The following IRAG2 variants were observed in gnomAD, a reference collection of about 807,000 sequenced individuals.
IRAG2 encodes inositol 1,4,5-triphosphate receptor associated 2, also known as lymphoid restricted membrane protein.
A neutral mutation model predicts 69.9 loss-of-function variants in IRAG2; 45 were observed. That is an observed-to-expected ratio of 0.64 (90% CI 0.51 to 0.83). The LOEUF (loss-of-function observed/expected upper bound fraction) is 0.83. Ranked by LOEUF, IRAG2 falls within the 40% of genes least tolerant of loss-of-function variation. IRAG2 has a pLI of 0.00. For missense variants in IRAG2, 520 were observed against 587.0 expected (o/e 0.89, Z 1.18); for synonymous variants, 193 against 202.4 (o/e 0.95, Z 0.40).
At chr12:25,000,609 CAG>C (rs941427678), upstream of IRAG2, among the ~76,000 whole-genome samples, 2 of 152,232 alleles carry the variant, frequency 1.3e-5, no homozygotes, top group Non-Finnish European at 2.9e-5. Flanking sequence ...GCCTGGGTAA[CAG>C]AGACCCAGTC....
chr12:24,998,779 A>G, the IRAG2 span, among the ~76,000 whole-genome samples: 1 of 152,178 alleles, frequency 6.6e-6, no homozygotes, highest in Non-Finnish European at 1.5e-5. Context: ...TGGCTTTCCT[A>G]ATCAAGTTTT....
intron 6 of IRAG2, among the ~76,000 whole-genome samples, chr12:25,018,020 AC>A (rs1944545544): frequency 6.6e-6 from 1 of 151,994 alleles, no homozygotes; most frequent in Non-Finnish European, 1.5e-5. Flanking sequence ...GTGTATTTCT[AC>A]CTCATTTCTT....
At chr12:25,023,886 G>T in exon 8 of IRAG2, 13 of 1,227,892 alleles carry the variant, frequency 1.1e-5, no homozygotes, top group Non-Finnish European at 1.1e-5. Flanking sequence ...AGAAAACCGG[G>T]CTCTGATTCT....
At chr12:25,068,572 C>T (rs1565553572) in intron 5 of IRAG2, among the ~76,000 whole-genome samples, 1 of 152,160 alleles carries the variant, frequency 6.6e-6, no homozygotes, top group African/African-American at 2.4e-5. Context: ...GCTCAAACCA[C>T]AGATTGGTTC....
intron 7 of IRAG2, among the ~76,000 whole-genome samples, chr12:25,022,289 T>C (rs1591927991): frequency 6.6e-6 from 1 of 151,632 alleles, no homozygotes; most frequent in South Asian, 2.1e-4. Context: ...AGGTCAGGAG[T>C]TCAAGACAAG....
At chr12:25,051,782 G>A (rs1452670250), upstream of IRAG2, among the ~76,000 whole-genome samples, 1 of 152,212 alleles carries the variant, frequency 6.6e-6, no homozygotes, top group African/African-American at 2.4e-5. Context: ...AAAGGCTAAG[G>A]TCATGAAACA....
chr12:25,040,092 T>C (rs1018739873), intron 16 of IRAG2, among the ~76,000 whole-genome samples: 4 of 152,226 alleles, frequency 2.6e-5, no homozygotes, highest in Non-Finnish European at 4.4e-5. Flanking sequence ...GAACCTGGCA[T>C]TGGGCAAAAT....
chr12:25,101,960 C>T (rs1353184692), intron 16 of IRAG2: 1 of 667,510 alleles, frequency 1.5e-6, no homozygotes, highest in African/African-American at 1.8e-5. Flanking sequence ...TAGTGCCTAC[C>T]CTGTGCTAGC....
chr12:25,040,196 G>C (rs1255683848), intron 16 of IRAG2, among the ~76,000 whole-genome samples: 1 of 152,236 alleles, frequency 6.6e-6, no homozygotes, highest in Non-Finnish European at 1.5e-5. Context: ...AAAATAATTT[G>C]ACTGTGGATT....
intron 10 of IRAG2, among the ~76,000 whole-genome samples, chr12:25,084,632 C>T (rs974805168): frequency 1.3e-5 from 2 of 151,666 alleles, no homozygotes; most frequent in African/African-American, 2.4e-5. Context: ...TTGCAAGAAA[C>T]AGAGACCCAT....
chr12:25,100,164 C>A (rs537185871), intron 15 of IRAG2, among the ~76,000 whole-genome samples: 1 of 151,496 alleles, frequency 6.6e-6, no homozygotes, highest in African/African-American at 2.4e-5. Context: ...TTCACACCCA[C>A]GAGGATGGCT....
At chr12:25,087,404 G>A (rs188613975) in intron 10 of IRAG2, among the ~76,000 whole-genome samples, 41 of 152,030 alleles carry the variant, frequency 2.7e-4, no homozygotes, top group South Asian at 2.5e-3. Context: ...CTGACCTCAG[G>A]TGATCCACCC....
Position 25,052,721 on chromosome 12 carries a change from A to G in IRAG2, c.-682A>G, listed in dbSNP as rs1440666582. Reference sequence around the variant, plus strand: ...ACACATTTTCAGTTTTGCCTGCATCATAAGAGTGAGCACTCCATTGCTTTC... The same window carrying G: ...ACACATTTTCAGTTTTGCCTGCATCGTAAGAGTGAGCACTCCATTGCTTTC... On this transcript the variant is annotated 5_prime_UTR_variant, in exon 1 of 22. Transcript: ENST00000556887. The G allele has an allele frequency of 2.5e-6, 1 of 398,324 alleles. No individual in the cohort carries two copies. Among genetic ancestry groups the G allele is most frequent in the Non-Finnish European group, 4.4e-6 (1 of 226,050 alleles). 24.7% of individuals were successfully genotyped at this position (398,324 alleles called of 1,614,324 possible). A position where few individuals can be genotyped will look rare whatever the true frequency, so the allele number is the denominator to read the frequency against.
At chr12:25,054,860 A>G (rs1219995525) in intron 1 of IRAG2, among the ~76,000 whole-genome samples, 1 of 152,172 alleles carries the variant, frequency 6.6e-6, no homozygotes, top group Non-Finnish European at 1.5e-5. Context: ...TATTTTCAAA[A>G]TGTTCTATAT....
chr12:25,104,592 TA>T, intron 20 of IRAG2, 130 bp downstream of exon 20: 1 of 644,438 alleles, frequency 1.6e-6, no homozygotes, highest in East Asian at 2.8e-5. Context: ...AACACTTTTA[TA>T]AACTGTAAAG....
intron 16 of IRAG2, 105 bp from the exon 17 acceptor site, chr12:25,102,093 T>G: frequency 1.3e-6 from 1 of 793,750 alleles, no homozygotes; most frequent in South Asian, 1.4e-5. Flanking sequence ...CTCTAAAGTC[T>G]TAATATCTTC....
chr12:25,089,199 GTATTATTATTACTAC>G (rs976508662), intron 11 of IRAG2, among the ~76,000 whole-genome samples: 29 of 152,232 alleles, frequency 1.9e-4, no homozygotes, highest in South Asian at 1.0e-3. Flanking sequence ...ATTGTTACCA[GTATTATTATTACTAC>G]TATTATTATT....
intron 1 of IRAG2, chr12:25,005,225 C>T: frequency 8.7e-7 from 1 of 1,155,164 alleles, no homozygotes; most frequent in African/African-American, 1.6e-5. Context: ...GATTTACAAA[C>T]TTTTTCTTCT....
chr12:25,049,914 C>T (rs888927486), upstream of IRAG2, among the ~76,000 whole-genome samples: 5 of 132,764 alleles, frequency 3.8e-5, no homozygotes, highest in Non-Finnish European at 6.2e-5. Context: ...ACCCGGGAGG[C>T]GGAGCTTGCA....
Sources: gnomAD v4.1 joint callset for allele counts (sites outside exome capture counted in the v4.1 genomes callset) on GRCh38, gnomAD v4.1.1 for gene constraint, MANE v1.5 for transcripts, NCBI Gene and HGNC (gene_info 2026-07-23, HGNC 2026-07-21) for gene names.